Variants in FMN2 observed in about 807,000 individuals in gnomAD.
FMN2 encodes the protein formin-2.
FMN2 carries 51 observed loss-of-function variants against 142.3 expected under a neutral mutation model. That is an observed-to-expected ratio of 0.36 (90% CI 0.29 to 0.45). The LOEUF (loss-of-function observed/expected upper bound fraction) is 0.45. Ranked by LOEUF, FMN2 falls within the 20% of genes least tolerant of loss-of-function variation. FMN2 has a pLI of 1.00. For missense variants in FMN2, 1,936 were observed against 2,122.8 expected (o/e 0.91, Z 1.73); for synonymous variants, 882 against 869.8 (o/e 1.01, Z -0.25).
intron 7 of FMN2, among the ~76,000 whole-genome samples, chr1:240,272,179 A>C (rs975083009): frequency 3.3e-5 from 5 of 152,270 alleles, no homozygotes; most frequent in African/African-American, 1.2e-4. Flanking sequence ...CTGCAGCTCA[A>C]GGCCTTCCTC....
In FMN2 at chr1:240,092,292, G is replaced by A. The variant is rs758291102; in HGVS notation, c.183G>A (p.Ser61=). The A allele has an allele frequency of 7.5e-6, 12 of 1,590,182 alleles. No homozygotes were observed. The South Asian group carries it at 1.2e-4, about 16-fold the overall frequency. ...GGGGCGGCGGCGGCGGCGGGGAGTC[G>A]GGCAAGAAGAAGAGCAAGTCCGACT... is the stretch of plus-strand genomic sequence containing the variant. ...GGGGGGGGGE[S]GKKKSKSDSR... The change falls in exon 1 of 18, where the codon TCG becomes TCA. Residue 61 remains serine, a synonymous_variant. Coordinates refer to ENST00000319653, the MANE Select transcript of FMN2 (RefSeq NM_020066.5).
At chr1:240,244,747 T>TA (rs1668023581) in intron 6 of FMN2, among the ~76,000 whole-genome samples, 1 of 152,014 alleles carries the variant, frequency 6.6e-6, no homozygotes, top group African/African-American at 2.4e-5. Flanking sequence ...TCCAGGGCCC[T>TA]ACTCTAGAGA....
intron 7 of FMN2, among the ~76,000 whole-genome samples, chr1:240,291,933 C>T (rs1002637888): frequency 2.6e-4 from 39 of 152,154 alleles, no homozygotes; most frequent in African/African-American, 8.9e-4. Context: ...TTGTTATTGC[C>T]TCTAAGCCCC....
At chr1:240,180,984 G>A (rs773125369) in intron 3 of FMN2, among the ~76,000 whole-genome samples, 2 of 151,520 alleles carry the variant, frequency 1.3e-5, no homozygotes, top group African/African-American at 4.9e-5. Context: ...TGCTTCGTTC[G>A]TTGTTTTTTT....
chr1:240,232,047 C>T (rs1164034632), intron 6 of FMN2, among the ~76,000 whole-genome samples: 1 of 152,006 alleles, frequency 6.6e-6, no homozygotes, highest in African/African-American at 2.4e-5. Context: ...TGAATCTCTT[C>T]CATTTGCTCA....
intron 6 of FMN2, among the ~76,000 whole-genome samples, chr1:240,240,941 G>A (rs1286057405): frequency 6.6e-6 from 1 of 152,188 alleles, no homozygotes; most frequent in African/African-American, 2.4e-5. Flanking sequence ...ATAAAAGATT[G>A]TAATGTTATT....
chr1:240,145,305 TGCCGCTGAGGGCC>T (rs766201689), intron 2 of FMN2: 33 of 1,330,466 alleles, frequency 2.5e-5, no homozygotes, highest in Non-Finnish European at 3.3e-5. Flanking sequence ...TTCTCATCCA[TGCCGCTGAGGGCC>T]GCCGCTGGGG....
intron 7 of FMN2, among the ~76,000 whole-genome samples, chr1:240,288,634 C>T (rs767467750): frequency 3.3e-5 from 5 of 151,988 alleles, no homozygotes; most frequent in South Asian, 2.1e-4. Context: ...GCTACACTCA[C>T]GACTCACACT....
intron 5 of FMN2, among the ~76,000 whole-genome samples, chr1:240,209,554 G>A (rs1016778752): frequency 6.7e-6 from 1 of 149,844 alleles, no homozygotes; most frequent in African/African-American, 2.4e-5. Context: ...GGGCACGGCC[G>A]CAAATCAAAT....
chr1:240,411,522 G>T (rs1205520034), intron 15 of FMN2, among the ~76,000 whole-genome samples: 1 of 150,536 alleles, frequency 6.6e-6, no homozygotes, highest in Non-Finnish European at 1.5e-5. Context: ...AGTGAGCAGA[G>T]ATGGTGCCAT....
chr1:240,298,558 G>A (rs1409026313), intron 8 of FMN2, among the ~76,000 whole-genome samples: 1 of 152,154 alleles, frequency 6.6e-6, no homozygotes, highest in African/African-American at 2.4e-5. Context: ...AGCCACTGGT[G>A]AGCAAGCATT....
Position 240,294,787 on chromosome 1 carries a change from T to A in FMN2, c.4154-35T>A, listed in dbSNP as rs1432002399. The A allele has an allele frequency of 1.9e-6, 3 of 1,608,216 alleles. No homozygotes were observed. The African/African-American group carries it at 4.0e-5, about 21-fold the overall frequency. On this transcript the variant is annotated intron_variant, in intron 7 of 17. Transcript: ENST00000319653. Reference sequence around the variant, plus strand: ...GGTCAAACATCTTTTCACAGGTGGCTTATGGCAATTTATATTCTTCTTTTT... The same window carrying A: ...GGTCAAACATCTTTTCACAGGTGGCATATGGCAATTTATATTCTTCTTTTT...
chr1:240,129,585 C>A (rs6667684), intron 2 of FMN2, among the ~76,000 whole-genome samples: 13,889 of 150,458 alleles, frequency 0.092, 759 homozygotes, highest in African/African-American at 0.13. Flanking sequence ...TCACTGCAAC[C>A]TCCGCCTCCC....
intron 6 of FMN2, among the ~76,000 whole-genome samples, chr1:240,247,792 A>G (rs1415026066): frequency 6.6e-6 from 1 of 152,050 alleles, no homozygotes; most frequent in African/African-American, 2.4e-5. Flanking sequence ...AGGCCTGAGA[A>G]CTTGCATGTT....
At chr1:240,306,344 T>A (rs1156557431) in intron 8 of FMN2, among the ~76,000 whole-genome samples, 1 of 152,172 alleles carries the variant, frequency 6.6e-6, no homozygotes, top group Non-Finnish European at 1.5e-5. Context: ...TGAGTGGGGC[T>A]GAGGTTTGGG....
intron 6 of FMN2, among the ~76,000 whole-genome samples, chr1:240,251,817 G>A (rs760729850): frequency 1.3e-5 from 2 of 152,092 alleles, no homozygotes; most frequent in Non-Finnish European, 2.9e-5. Flanking sequence ...CTTTATAAGC[G>A]GAAAGTTTAA....
At chr1:240,291,670 T>C (rs1177330330) in intron 7 of FMN2, among the ~76,000 whole-genome samples, 3 of 152,192 alleles carry the variant, frequency 2.0e-5, no homozygotes, top group African/African-American at 7.2e-5. Context: ...GGCTCTCTTG[T>C]TTCACTCTAA....
chr1:240,224,992 A>G (rs1016274133), intron 6 of FMN2, among the ~76,000 whole-genome samples: 2 of 152,136 alleles, frequency 1.3e-5, no homozygotes, highest in African/African-American at 4.8e-5. Flanking sequence ...AACTCAGATA[A>G]AACAAATATA....
intron 8 of FMN2, among the ~76,000 whole-genome samples, chr1:240,303,038 A>G (rs568971332): frequency 8.3e-6 from 1 of 120,126 alleles, no homozygotes; most frequent in Admixed American, 8.9e-5. Context: ...TGTCTCTATG[A>G]CTAAAAAAAA....
Sources: allele counts gnomAD v4.1 joint callset (sites outside exome capture counted in the v4.1 genomes callset), GRCh38; gene constraint gnomAD v4.1.1; transcripts MANE v1.5; gene names NCBI Gene and HGNC (gene_info 2026-07-23, HGNC 2026-07-21).